Variants in KCNV2 observed in about 807,000 individuals in gnomAD.
The protein encoded by KCNV2 is potassium voltage-gated channel modifier subfamily V member 2.
KCNV2 carries 65 observed loss-of-function variants against 37.0 expected under a neutral mutation model. The ratio of observed to expected loss-of-function variants is 1.76; its 90% CI spans 1.44 to 2.16. The LOEUF is 2.16. Ranked by LOEUF, KCNV2 falls within the 30% of genes most tolerant of loss-of-function variation. KCNV2 has a pLI of 0.00. For missense variants in KCNV2, 1,232 were observed against 766.7 expected (o/e 1.61, Z -7.17); for synonymous variants, 518 against 328.6 (o/e 1.58, Z -6.23).
Position 2,718,553 on chromosome 9 carries a change from G to A in KCNV2, c.814G>A (p.Val272Ile), listed in dbSNP as rs1011858464. 4 of 1,612,254 alleles carry A rather than the reference G, an allele frequency of 2.5e-6. No individual in the cohort carries two copies. Among genetic ancestry groups the A allele is most frequent in the Non-Finnish European group, 3.4e-6 (4 of 1,179,552 alleles). ...IGVASSTFVL[V>I]SVVALALNTV... ...GGTGGCCTCCAGCACCTTCGTGCTCGTCTCCGTGGTGGCGCTGGCGCTCAA... is the reference window on the plus strand; with the variant it reads ...GGTGGCCTCCAGCACCTTCGTGCTCATCTCCGTGGTGGCGCTGGCGCTCAA... Residue 272 changes from valine to isoleucine, a missense_variant, in exon 1 of 2, where the codon GTC becomes ATC. Transcript: ENST00000382082.
intron 1 of KCNV2, among the ~76,000 whole-genome samples, chr9:2,722,942 A>G (rs1274104240): frequency 6.6e-6 from 1 of 152,132 alleles, no homozygotes; most frequent in African/African-American, 2.4e-5. Context: ...AACACTTCAT[A>G]AGTTTCTTTT....
At chr9:2,727,975 T>C (rs961951327) in intron 1 of KCNV2, among the ~76,000 whole-genome samples, 1 of 152,162 alleles carries the variant, frequency 6.6e-6, no homozygotes, top group Non-Finnish European at 1.5e-5. Context: ...AGAAAAAGGC[T>C]GCATGACCTC....
rs1023306854 is a variant in KCNV2, at chr9:2,718,470, G to C, written c.731G>C (p.Arg244Pro). 3.1e-6 allele frequency: 5 copies of C among 1,608,742 alleles called. No homozygotes were observed. Among genetic ancestry groups the C allele is most frequent in the South Asian group, 1.1e-5 (1 of 90,498 alleles). ...RDMRFYGPQRRRLWNLMEKPF... is the reference protein window; with the variant it reads ...RDMRFYGPQRPRLWNLMEKPF... ...ATGCGCTTCTACGGCCCGCAGCGGCGCCGCCTCTGGAACCTCATGGAGAAG... is the reference window on the plus strand; with the variant it reads ...ATGCGCTTCTACGGCCCGCAGCGGCCCCGCCTCTGGAACCTCATGGAGAAG... The change falls in exon 1 of 2, where the codon CGC (arginine) becomes CCC (proline). Residue 244 changes from arginine to proline, a missense_variant. By Grantham distance (103) the Arg-to-Pro change is moderately radical (BLOSUM62 -2). Transcript: ENST00000382082.
intron 1 of KCNV2, among the ~76,000 whole-genome samples, chr9:2,722,940 A>T (rs1048771870): frequency 6.6e-6 from 1 of 152,164 alleles, no homozygotes; most frequent in African/African-American, 2.4e-5. Flanking sequence ...CAAACACTTC[A>T]TAAGTTTCTT....
At position 2,729,797 on chromosome 9, in the gene KCNV2, A is replaced by G; in HGVS notation, c.*70A>G. On this transcript the variant is annotated 3_prime_UTR_variant, in exon 2 of 2. Coordinates refer to ENST00000382082, the MANE Select transcript of KCNV2 (RefSeq NM_133497.4). ...CTTCATTGCTCTTTTTTTAATCATT[A>G]TGATTGGCAGCAAAAGGAAATGTGA... 1 of 1,502,708 alleles carries G rather than the reference A, an allele frequency of 6.7e-7. No individual in the cohort carries two copies. 93.1% of individuals were successfully genotyped at this position (1,502,708 alleles called of 1,614,324 possible). A position where few individuals can be genotyped will look rare whatever the true frequency, so the allele number is the denominator to read the frequency against.
At chr9:2,720,558 G>A (rs1819847857) in intron 1 of KCNV2, 1 of 152,236 alleles carries the variant, frequency 6.6e-6, no homozygotes, top group South Asian at 2.1e-4. Flanking sequence ...CATGTGTACA[G>A]ATGAGGCTCA....
intron 1 of KCNV2, 119 bp downstream of exon 1, chr9:2,719,214 C>A (rs1019441089): frequency 1.4e-5 from 16 of 1,115,716 alleles, no homozygotes; most frequent in Admixed American, 9.9e-5. Context: ...CCCCCCACCC[C>A]CAATCGCCGC....
In KCNV2 at chr9:2,717,688, G is replaced by GGGT. The variant is rs1819754717; in HGVS notation, c.-51_-50insGTG. ...CTCCTAGAGGCAGTGAGCAGGTGAGGGACCCCTACCACAGCCAGGAGGAAA... is the reference window on the plus strand; with the variant it reads ...CTCCTAGAGGCAGTGAGCAGGTGAGGGGTGACCCCTACCACAGCCAGGAGGAAA... On this transcript the variant is annotated 5_prime_UTR_variant, in exon 1 of 2. Coordinates refer to ENST00000382082, the MANE Select transcript of KCNV2 (RefSeq NM_133497.4). 4 of 1,612,278 alleles carry GGGT rather than the reference G, an allele frequency of 2.5e-6. No homozygotes were observed. Among genetic ancestry groups the GGGT allele is most frequent in the Non-Finnish European group, 2.5e-6 (3 of 1,179,018 alleles).
chr9:2,727,270 AC>A (rs1819983844), intron 1 of KCNV2, among the ~76,000 whole-genome samples: 1 of 126,490 alleles, frequency 7.9e-6, no homozygotes, highest in Admixed American at 9.1e-5. Flanking sequence ...AACATCACAC[AC>A]CAGGGCCTGT....
chr9:2,718,841 A>G lies in KCNV2; in HGVS notation c.1102A>G (p.Ser368Gly). 1 of 1,609,430 alleles carries G rather than the reference A, an allele frequency of 6.2e-7. No homozygotes were observed. The highest frequency in any genetic ancestry group is 8.5e-7 in the Non-Finnish European group (1 of 1,179,924). Reference sequence around the variant, plus strand: ...CCACCAACGCGGCCAGACGGTGGGCAGCGTGGGTAAGGTGGGTCAGGTGTT... The same window carrying G: ...CCACCAACGCGGCCAGACGGTGGGCGGCGTGGGTAAGGTGGGTCAGGTGTT... ...EGHQRGQTVGSVGKVGQVLRV... is the reference protein window; with the variant it reads ...EGHQRGQTVGGVGKVGQVLRV... Residue 368 changes from serine (S) to glycine (G), a missense_variant, in exon 1 of 2, where the codon AGC (serine) becomes GGC (glycine). Coordinates refer to ENST00000382082, the MANE Select transcript of KCNV2 (RefSeq NM_133497.4).
At chr9:2,727,295 AG>A (rs1363394562) in intron 1 of KCNV2, among the ~76,000 whole-genome samples, 2 of 61,790 alleles carry the variant, frequency 3.2e-5, no homozygotes, top group African/African-American at 1.3e-4. Context: ...GGGGTGGGGG[AG>A]GGGGGAGGGG....
Position 2,718,705 on chromosome 9 carries a change from C to T in KCNV2, c.966C>T (p.Ala322=). ...CGCTCGAGTACCTGCTGCGCCTAGCCTCCACGCCCGACCTGAGGCGCTTCG... is the reference window on the plus strand; with the variant it reads ...CGCTCGAGTACCTGCTGCGCCTAGCTTCCACGCCCGACCTGAGGCGCTTCG... The part of the protein sequence containing the change: ...FFTLEYLLRL[A]STPDLRRFAR... The change falls in exon 1 of 2, where the codon GCC becomes GCT. Residue 322 remains alanine (A), a synonymous_variant. Coordinates refer to ENST00000382082, the MANE Select transcript of KCNV2 (RefSeq NM_133497.4). The T allele has an allele frequency of 1.2e-6, 2 of 1,613,202 alleles. No individual in the cohort carries two copies. The highest frequency in any genetic ancestry group is 1.6e-4 in the Middle Eastern group (1 of 6,062).
intron 1 of KCNV2, chr9:2,720,393 T>G (rs148241003): frequency 1.9e-3 from 289 of 152,366 alleles, no homozygotes; most frequent in African/African-American, 6.5e-3. Context: ...CAGTGAGTCT[T>G]CCTTCCCTTG....
In KCNV2 at chr9:2,718,471, C is replaced by T; in HGVS notation, c.732C>T (p.Arg244=). 6.2e-7 allele frequency: 1 copy of T among 1,609,562 alleles called. No homozygotes were observed. Among genetic ancestry groups the T allele is most frequent in the Non-Finnish European group, 8.5e-7 (1 of 1,178,650 alleles). The change falls in exon 1 of 2, where the codon CGC becomes CGT. Residue 244 remains arginine (R), a synonymous_variant. Coordinates refer to ENST00000382082, the MANE Select transcript of KCNV2 (RefSeq NM_133497.4). ...RDMRFYGPQR[R]RLWNLMEKPF... The stretch of plus-strand genomic sequence containing the variant: ...TGCGCTTCTACGGCCCGCAGCGGCG[C>T]CGCCTCTGGAACCTCATGGAGAAGC...
At position 2,718,659 on chromosome 9, in the gene KCNV2, T is replaced by C; in HGVS notation, c.920T>C (p.Met307Thr). Residue 307 changes from methionine to threonine, a missense_variant, in exon 1 of 2, where the codon ATG (methionine) becomes ACG (threonine). Transcript: ENST00000382082. ...DLRPILEHVE[M>T]LCMGFFTLEY... Reference sequence around the variant, plus strand: ...CGGCCCATCCTGGAGCACGTGGAGATGCTGTGCATGGGCTTCTTCACGCTC... The same window carrying C: ...CGGCCCATCCTGGAGCACGTGGAGACGCTGTGCATGGGCTTCTTCACGCTC... The C allele has an allele frequency of 6.2e-7, 1 of 1,613,394 alleles. No homozygotes were observed. The highest frequency in any genetic ancestry group is 8.5e-7 in the Non-Finnish European group (1 of 1,179,838).
Position 2,729,753 on chromosome 9 carries a change from G to GATTCCA in KCNV2, c.*27_*32dup. The stretch of plus-strand genomic sequence containing the variant: ...TATTTTATAGGACATGTGGCTGGTA[G>GATTCCA]ATTCCATGAACTTCAAGGCTTCATT... On this transcript the variant is annotated 3_prime_UTR_variant, in exon 2 of 2. Transcript: ENST00000382082. 1 of 1,611,600 alleles carries GATTCCA rather than the reference G, an allele frequency of 6.2e-7. No homozygotes were observed. The highest frequency in any genetic ancestry group is 8.5e-7 in the Non-Finnish European group (1 of 1,177,812).
At chr9:2,729,405 C>T in intron 1 of KCNV2, 41 bp from the exon 2 acceptor site, 1 of 1,610,328 alleles carries the variant, frequency 6.2e-7, no homozygotes, top group Non-Finnish European at 8.5e-7. Context: ...CCTCCCCGAT[C>T]TTAGTGCTAA....
chr9:2,717,746 A>T lies in KCNV2; in HGVS notation c.7A>T (p.Lys3Ter). The part of the protein sequence containing the change: ML[K>*]QSERRRSWSY... Reference sequence around the variant, plus strand: ...GCGTCCACTTTCCGCAGCCATGCTCAAACAGAGTGAGAGGAGACGGTCCTG... The same window carrying T: ...GCGTCCACTTTCCGCAGCCATGCTCTAACAGAGTGAGAGGAGACGGTCCTG... The change falls in exon 1 of 2, where the codon AAA (lysine) becomes TAA (stop). Residue 3 changes from lysine to a stop codon, truncating the protein, a stop_gained. Coordinates refer to ENST00000382082, the MANE Select transcript of KCNV2 (RefSeq NM_133497.4). LOFTEE classifies it high-confidence loss of function. The T allele has an allele frequency of 6.2e-7, 1 of 1,614,062 alleles. No individual in the cohort carries two copies. Among genetic ancestry groups the T allele is most frequent in the Non-Finnish European group, 8.5e-7 (1 of 1,179,920 alleles).
Position 2,718,852 on chromosome 9 carries a change from G to A in KCNV2, c.1113G>A (p.Lys371=). 2 of 1,609,282 alleles carry A rather than the reference G, an allele frequency of 1.2e-6. No homozygotes were observed. The highest frequency in any genetic ancestry group is 1.3e-5 in the African/African-American group (1 of 75,070). ...QRGQTVGSVG[K]VGQVLRVMRL... ...GCCAGACGGTGGGCAGCGTGGGTAA[G>A]GTGGGTCAGGTGTTGCGCGTCATGC... Residue 371 remains lysine, a synonymous_variant, in exon 1 of 2, where the codon AAG becomes AAA. Transcript: ENST00000382082.
Sources: allele counts gnomAD v4.1 joint callset (sites outside exome capture counted in the v4.1 genomes callset), GRCh38; gene constraint gnomAD v4.1.1; transcripts MANE v1.5; gene names NCBI Gene and HGNC (gene_info 2026-07-23, HGNC 2026-07-21).